ZNF479: variants seen among roughly 807,000 people sequenced by gnomAD.
ZNF479 encodes KRAB zinc finger protein KR19.
ZNF479 carries 15 observed loss-of-function variants against 14.7 expected under a neutral mutation model. The observed-to-expected ratio is 1.02, with a 90% CI of 0.68 to 1.57. ZNF479 has a LOEUF of 1.57. Ranked by LOEUF, ZNF479 falls within the 40% of genes most tolerant of loss-of-function variation. ZNF479 has a pLI of 0.00. For synonymous variants in ZNF479, 145 were observed against 211.5 expected (o/e 0.69, Z 2.73); for missense variants, 506 against 615.1 (o/e 0.82, Z 1.88).
chr7:57,134,763 C>A (rs898624691), upstream of ZNF479, among the ~76,000 whole-genome samples: 1 of 150,582 alleles, frequency 6.6e-6, no homozygotes, highest in African/African-American at 2.4e-5. Flanking sequence ...CAACATCTGC[C>A]TCCTGAGTTC....
rs1379679971 is a variant in ZNF479, at chr7:57,127,468, CAGG to C, written c.40-753_40-751del. ...CTAAAGATCTTGTGAGATTTTGTTT[CAGG>C]AGATTTCCGAGGAAGTCTGAATTTC... On this transcript the variant is annotated intron_variant, in intron 1 of 3. Coordinates refer to ENST00000319636, the MANE Select transcript of ZNF479 (RefSeq NM_001370129.2). 3 of 834,176 alleles carry C rather than the reference CAGG, an allele frequency of 3.6e-6. No homozygotes were observed. In the African/African-American group the frequency reaches 5.5e-5, roughly 15 times the overall value. The allele number at this position is 834,176 out of a possible 1,614,324, so 51.7% of individuals were successfully genotyped here. A position where few individuals can be genotyped will look rare whatever the true frequency, so the allele number is the denominator to read the frequency against.
chr7:57,131,682 G>T lies in ZNF479; in HGVS notation c.39+604C>A, dbSNP rs145527258. On this transcript the variant is annotated intron_variant, in intron 1 of 3. Transcript: ENST00000319636. ...AATTAATCTCTGATGACATAACCAAGAAATTTTCACCTGGATCTCACAAAT... is the reference window on the plus strand; with the variant it reads ...AATTAATCTCTGATGACATAACCAATAAATTTTCACCTGGATCTCACAAAT... 7.5e-3 allele frequency among the ~76,000 whole-genome samples: 1,130 copies of T among 151,604 alleles called. 14 individuals are homozygous for T. Among genetic ancestry groups the T allele is most frequent in the African/African-American group, 0.026 (1,071 of 41,398 alleles).
At position 57,125,637 on chromosome 7, in the gene ZNF479, T is replaced by A. The variant is rs554406543; in HGVS notation, c.262+381A>T. Among the ~76,000 whole-genome samples, 3 of 150,792 alleles carry A rather than the reference T, an allele frequency of 2.0e-5. No homozygotes were observed. In the South Asian group the frequency reaches 6.4e-4, roughly 32 times the overall value. ...TGACCACCAATGAAAGAGAAACTAC[T>A]ATTCTCACACATTTTAGACATGATG... On this transcript the variant is annotated intron_variant, in intron 3 of 3. Coordinates refer to ENST00000319636, the MANE Select transcript of ZNF479 (RefSeq NM_001370129.2).
At position 57,120,621 on chromosome 7, in the gene ZNF479, C is replaced by G; in HGVS notation, c.794G>C (p.Gly265Ala). 6.2e-7 allele frequency: 1 copy of G among 1,613,916 alleles called. No individual in the cohort carries two copies. Among genetic ancestry groups the G allele is most frequent in the Non-Finnish European group, 8.5e-7 (1 of 1,179,876 alleles). ...TTCTTCACACGTGTAGGGTTTCTCT[C>G]CAGTATGAGTTCTCTTATGTCTAGT... ...NLTRHKRTHT[G>A]EKPYTCEECG... Residue 265 changes from glycine (G) to alanine (A), a missense_variant, in exon 4 of 4, where the codon GGA becomes GCA. Physicochemically the swap from Gly to Ala is moderately conservative, Grantham distance 60 (BLOSUM62 0). Around this residue, in one of 3 missense-constraint regions of ZNF479, gnomAD observed 420 missense variants for 474.2 expected, o/e 0.89. Transcript: ENST00000319636.
At chr7:57,122,598 A>G (rs755890974) in intron 3 of ZNF479, among the ~76,000 whole-genome samples, 56 of 152,298 alleles carry the variant, frequency 3.7e-4, no homozygotes, top group Non-Finnish European at 6.9e-4. Flanking sequence ...AGCAACATCA[A>G]TAAGAAGTAT....
upstream of ZNF479, among the ~76,000 whole-genome samples, chr7:57,135,646 C>A (rs1489028280): frequency 6.6e-6 from 1 of 152,128 alleles, no homozygotes; most frequent in Non-Finnish European, 1.5e-5. Flanking sequence ...CTCCTGACCT[C>A]AGCTGATCCA....
Position 57,120,835 on chromosome 7 carries a change from A to G in ZNF479, c.580T>C (p.Phe194Leu). ...HFKCNKYGKS[F>L]CMLSHLNQHQ... The stretch of plus-strand genomic sequence containing the variant: ...TGATTTAGGTGTGAAAGCATGCAAA[A>G]TGATTTGCCATATTTGTTACATTTG... Residue 194 changes from phenylalanine to leucine, a missense_variant, in exon 4 of 4, where the codon TTT becomes CTT. Around this residue, in one of 3 missense-constraint regions of ZNF479, gnomAD observed 420 missense variants for 474.2 expected, o/e 0.89. Transcript: ENST00000319636. The G allele has an allele frequency of 6.2e-7, 1 of 1,613,686 alleles. No homozygotes were observed. The highest frequency in any genetic ancestry group is 8.5e-7 in the Non-Finnish European group (1 of 1,179,808).
chr7:57,124,258 A>T (rs1786065199), intron 3 of ZNF479, among the ~76,000 whole-genome samples: 1 of 152,220 alleles, frequency 6.6e-6, no homozygotes, highest in African/African-American at 2.4e-5. Context: ...TGTGGTACTC[A>T]CAAAAAGACA....
At chr7:57,136,390 A>T (rs558349682), upstream of ZNF479, among the ~76,000 whole-genome samples, 14 of 152,028 alleles carry the variant, frequency 9.2e-5, no homozygotes, top group South Asian at 2.1e-3. Context: ...TCTCAAAAAA[A>T]AAATACCCCC....
chr7:57,123,387 T>C (rs181916228), intron 3 of ZNF479, among the ~76,000 whole-genome samples: 84 of 152,292 alleles, frequency 5.5e-4, no homozygotes, highest in African/African-American at 2.0e-3. Context: ...GGAGATTACA[T>C]TTCAACATGC....
At chr7:57,121,554 TAGAACGTAGTTACTGAC>T (rs1554400633) in intron 3 of ZNF479, among the ~76,000 whole-genome samples, 2 of 152,202 alleles carry the variant, frequency 1.3e-5, no homozygotes, top group African/African-American at 2.4e-5. Flanking sequence ...AAGATAGGTG[TAGAACGTAGTTACTGAC>T]CACTAAGAAG....
rs1339190785 is a variant in ZNF479, at chr7:57,118,688, T to C, written c.*1152A>G. Among the ~76,000 whole-genome samples the C allele has an allele frequency of 7.2e-5, 11 of 152,286 alleles. No homozygotes were observed. The highest frequency in any genetic ancestry group is 2.4e-4 in the African/African-American group (10 of 41,552). ...CCTGACCTATAATCCCTTTATTAAG[T>C]ATAAACTTTCTGATATTGAGTAAGA... On this transcript the variant is annotated 3_prime_UTR_variant, in exon 4 of 4. Transcript: ENST00000319636.
intron 3 of ZNF479, 73 bp downstream of exon 3, chr7:57,125,945 T>G (rs1786147832): frequency 6.5e-7 from 1 of 1,547,108 alleles, no homozygotes; most frequent in East Asian, 2.2e-5. Context: ...CCAGACCACA[T>G]TTTAAGGACT....
upstream of ZNF479, among the ~76,000 whole-genome samples, chr7:57,133,217 T>C (rs1332054587): frequency 2.6e-5 from 4 of 152,148 alleles, no homozygotes; most frequent in Non-Finnish European, 4.4e-5. Flanking sequence ...ATTATCCTCA[T>C]GCTGTTCTGG....
chr7:57,129,130 C>G (rs1341663297), intron 1 of ZNF479, among the ~76,000 whole-genome samples: 1 of 152,170 alleles, frequency 6.6e-6, no homozygotes, highest in East Asian at 1.9e-4. Flanking sequence ...CCTGCCCTCC[C>G]CTATCAGAAA....
At chr7:57,134,353 G>C (rs959379133), upstream of ZNF479, among the ~76,000 whole-genome samples, 7 of 152,116 alleles carry the variant, frequency 4.6e-5, no homozygotes, top group Admixed American at 6.6e-5. Context: ...TAATGCATTA[G>C]CACGTGAAAG....
intron 3 of ZNF479, among the ~76,000 whole-genome samples, chr7:57,122,656 T>G (rs1298471462): frequency 6.6e-6 from 1 of 152,316 alleles, no homozygotes; most frequent in East Asian, 1.9e-4. Context: ...TGAAGTCATT[T>G]TTTTACCAGT....
Position 57,126,842 on chromosome 7 carries a change from G to C in ZNF479, c.40-124C>G, listed in dbSNP as rs2115876089. 3 of 778,474 alleles carry C rather than the reference G, an allele frequency of 3.9e-6. No individual in the cohort carries two copies. The South Asian group carries it at 5.2e-5, about 14-fold the overall frequency. 48.2% of individuals were successfully genotyped at this position (778,474 alleles called of 1,614,324 possible). ...AAAAAGAAGTGGTTCTCACTTACAA[G>C]AGTGACTAAAATTATTCAATAAGAT... On this transcript the variant is annotated intron_variant, in intron 1 of 3. Coordinates refer to ENST00000319636, the MANE Select transcript of ZNF479 (RefSeq NM_001370129.2).
At chr7:57,139,815 G>A (rs1786802493) in exon 1 of ZNF479, 1 of 152,176 alleles carries the variant, frequency 6.6e-6, no homozygotes, top group Non-Finnish European at 1.5e-5. Context: ...AAGGCATTGT[G>A]AAATATCTCT....
Sources: gnomAD v4.1 joint callset for allele counts (sites outside exome capture counted in the v4.1 genomes callset) on GRCh38, gnomAD v4.1.1 for gene constraint, gnomAD v4.1.1 regional missense constraint, MANE v1.5 for transcripts, NCBI Gene and HGNC (gene_info 2026-07-23, HGNC 2026-07-21) for gene names.